HCN1: variants seen among roughly 807,000 people sequenced by gnomAD.
HCN1 encodes hyperpolarization activated cyclic nucleotide gated potassium channel 1, also known as potassium/sodium hyperpolarization-activated cyclic nucleotide-gated channel 1.
Under a neutral mutation model 78.9 loss-of-function variants are expected in HCN1, and 13 were observed. That is an observed-to-expected ratio of 0.16 (90% CI 0.11 to 0.26). The LOEUF (loss-of-function observed/expected upper bound fraction) is 0.26, where lower values mean the gene tolerates loss of function less well. Ranked by LOEUF, HCN1 falls within the 10% of genes least tolerant of loss-of-function variation. HCN1 has a pLI of 1.00. For missense variants in HCN1, 810 were observed against 1,154.3 expected, an observed-to-expected ratio of 0.70 and a Z score of 4.32; for synonymous variants, 552 against 455.5, an observed-to-expected ratio of 1.21 and a Z score of -2.70.
intron 2 of HCN1, among the ~76,000 whole-genome samples, chr5:45,610,553 T>C (rs1235158171): frequency 6.7e-6 from 1 of 149,412 alleles, no homozygotes; most frequent in African/African-American, 2.4e-5. Context: ...TACATTGAAA[T>C]ATAAAGTATA....
chr5:45,315,150 C>G (rs191469660), intron 5 of HCN1, among the ~76,000 whole-genome samples: 347 of 152,244 alleles, frequency 2.3e-3, no homozygotes, highest in African/African-American at 7.7e-3. Flanking sequence ...CCAAAATTGA[C>G]AACATAGTTG....
intron 1 of HCN1, among the ~76,000 whole-genome samples, chr5:45,688,422 A>G (rs1187179229): frequency 6.6e-6 from 1 of 152,124 alleles, no homozygotes; most frequent in Non-Finnish European, 1.5e-5. Flanking sequence ...TGTATTGGGC[A>G]GGGAAATGTA....
chr5:45,313,567 C>T (rs1232091181), intron 5 of HCN1, among the ~76,000 whole-genome samples: 1 of 152,162 alleles, frequency 6.6e-6, no homozygotes, highest in African/African-American at 2.4e-5. Flanking sequence ...TAAAACTTCT[C>T]CAAGCTAAAG....
intron 2 of HCN1, chr5:45,479,987 G>A (rs1473203836): frequency 6.6e-6 from 1 of 152,488 alleles, no homozygotes; most frequent in Non-Finnish European, 1.5e-5. Context: ...AACTTCTAAT[G>A]ACTTACCATT....
chr5:45,305,882 G>A (rs550599422), intron 5 of HCN1, among the ~76,000 whole-genome samples: 446 of 151,636 alleles, frequency 2.9e-3, no homozygotes, highest in South Asian at 9.6e-3. Flanking sequence ...AGGAAGGAAG[G>A]AAGGAAGGTG....
At chr5:45,376,655 C>T (rs951358393) in intron 4 of HCN1, among the ~76,000 whole-genome samples, 4 of 151,832 alleles carry the variant, frequency 2.6e-5, no homozygotes, top group African/African-American at 9.7e-5. Flanking sequence ...ATGAGTCATG[C>T]AGGGCAGACG....
At chr5:45,294,828 T>C (rs1745455686) in intron 6 of HCN1, among the ~76,000 whole-genome samples, 1 of 152,070 alleles carries the variant, frequency 6.6e-6, no homozygotes, top group Non-Finnish European at 1.5e-5. Flanking sequence ...TGGAGAATAA[T>C]CATGCCCCTC....
intron 2 of HCN1, among the ~76,000 whole-genome samples, chr5:45,566,819 A>T (rs973371853): frequency 5.9e-5 from 9 of 152,226 alleles, no homozygotes; most frequent in African/African-American, 2.2e-4. Context: ...AAGAACTCTC[A>T]TATGGTTTCT....
chr5:45,558,797 C>T (rs1743529455), intron 2 of HCN1: 1 of 151,858 alleles, frequency 6.6e-6, no homozygotes, highest in Non-Finnish European at 1.5e-5. Context: ...GATACAGGAT[C>T]TTGCTCTGTC....
intron 4 of HCN1, among the ~76,000 whole-genome samples, chr5:45,380,155 T>C (rs1747774252): frequency 6.6e-6 from 1 of 152,048 alleles, no homozygotes; most frequent in East Asian, 1.9e-4. Flanking sequence ...AATCAAGACA[T>C]CAGCAGATTC....
chr5:45,465,262 AC>A (rs1741244263), intron 2 of HCN1, among the ~76,000 whole-genome samples: 1 of 152,156 alleles, frequency 6.6e-6, no homozygotes, highest in South Asian at 2.1e-4. Flanking sequence ...ATTAAAACAA[AC>A]AAAAAAATCA....
chr5:45,643,656 C>T (rs76949111), intron 2 of HCN1: 15 of 152,148 alleles, frequency 9.9e-5, no homozygotes, highest in Admixed American at 2.0e-4. Flanking sequence ...TGAATCTGGA[C>T]GAGTTACCTT....
At chr5:45,371,163 A>C (rs914203274) in intron 4 of HCN1, among the ~76,000 whole-genome samples, 2 of 152,120 alleles carry the variant, frequency 1.3e-5, no homozygotes, top group Non-Finnish European at 2.9e-5. Context: ...CCAAATGCCC[A>C]CATTGAAAAG....
At chr5:45,363,331 A>G (rs1414494113) in intron 4 of HCN1, among the ~76,000 whole-genome samples, 1 of 151,444 alleles carries the variant, frequency 6.6e-6, no homozygotes, top group Non-Finnish European at 1.5e-5. Context: ...AAACTTGCTC[A>G]GCTCAACCTA....
chr5:45,534,922 C>T (rs949329543), intron 2 of HCN1, among the ~76,000 whole-genome samples: 4 of 152,106 alleles, frequency 2.6e-5, no homozygotes, highest in African/African-American at 2.4e-5. Context: ...TTAAGAATAA[C>T]AACATACTTT....
At chr5:45,651,160 G>T (rs1169809531) in intron 1 of HCN1, among the ~76,000 whole-genome samples, 1 of 151,696 alleles carries the variant, frequency 6.6e-6, no homozygotes, top group Non-Finnish European at 1.5e-5. Flanking sequence ...ATCTACAGTT[G>T]AAGTCAAATA....
chr5:45,339,167 A>G (rs1043342922), intron 5 of HCN1, among the ~76,000 whole-genome samples: 5 of 152,176 alleles, frequency 3.3e-5, no homozygotes. Context: ...TTTACTCAGT[A>G]AATATTTCAT....
At chr5:45,585,430 T>C (rs1180884793) in intron 2 of HCN1, among the ~76,000 whole-genome samples, 2 of 152,200 alleles carry the variant, frequency 1.3e-5, no homozygotes, top group African/African-American at 4.8e-5. Context: ...GCCATTCGTC[T>C]AATTTTTTTT....
At chr5:45,328,126 T>C (rs773241001) in intron 5 of HCN1, among the ~76,000 whole-genome samples, 18 of 151,680 alleles carry the variant, frequency 1.2e-4, no homozygotes, top group Non-Finnish European at 2.7e-4. Flanking sequence ...TGAACCCATT[T>C]GCTGTCAATC....
Sources: allele counts gnomAD v4.1 joint callset (sites outside exome capture counted in the v4.1 genomes callset), GRCh38; gene constraint gnomAD v4.1.1; transcripts MANE v1.5; gene names NCBI Gene and HGNC (gene_info 2026-07-23, HGNC 2026-07-21).